The following SSBP3 variants were observed in gnomAD, a reference collection of about 807,000 sequenced individuals.
SSBP3 encodes the protein single-stranded DNA-binding protein 3.
SSBP3 carries 5 observed loss-of-function variants against 69.6 expected under a neutral mutation model. The observed-to-expected ratio is 0.07, with a 90% CI of 0.04 to 0.15. The LOEUF (loss-of-function observed/expected upper bound fraction) is 0.15, where lower values mean the gene tolerates loss of function less well. Ranked by LOEUF, SSBP3 falls within the 10% of genes least tolerant of loss-of-function variation. The pLI is 1.00. For synonymous variants in SSBP3, 196 were observed against 193.4 expected, an observed-to-expected ratio of 1.01 and a Z score of -0.11; for missense variants, 312 against 534.0, an observed-to-expected ratio of 0.58 and a Z score of 4.10.
At chr1:54,264,053 C>T (rs1645060974) in intron 5 of SSBP3, among the ~76,000 whole-genome samples, 1 of 152,200 alleles carries the variant, frequency 6.6e-6, no homozygotes, top group Non-Finnish European at 1.5e-5. Context: ...TGTAATCCAG[C>T]ATTTTGGGAG....
intron 5 of SSBP3, among the ~76,000 whole-genome samples, chr1:54,265,061 C>G (rs78963922): frequency 2.0e-5 from 3 of 152,114 alleles, no homozygotes; most frequent in African/African-American, 7.2e-5. Context: ...TCCCAAATAC[C>G]GACAGAAAAT....
chr1:54,266,732 GAGCCAAGA>G lies in SSBP3; in HGVS notation c.367-8591_367-8584del, dbSNP rs1429517477. On this transcript the variant is annotated intron_variant, in intron 5 of 17. Coordinates refer to ENST00000610401, the Ensembl canonical transcript of SSBP3. ...AGTGACATTAAGGCATTAATTATCA[GAGCCAAGA>G]TGTTATGCCCCTGAGGACAAACAGA... 1.6e-3 allele frequency among the ~76,000 whole-genome samples: 251 copies of G among 152,316 alleles called. 1 individual carries two copies. Among genetic ancestry groups the G allele is most frequent in the African/African-American group, 5.6e-3 (231 of 41,544 alleles).
intron 4 of SSBP3, among the ~76,000 whole-genome samples, chr1:54,296,673 G>A (rs528142351): frequency 7.2e-5 from 11 of 152,332 alleles, no homozygotes; most frequent in South Asian, 4.1e-4. Flanking sequence ...CACACGACTT[G>A]TGAGGGTCAA....
intron 4 of SSBP3, among the ~76,000 whole-genome samples, chr1:54,329,027 T>G (rs1285014784): frequency 6.6e-6 from 1 of 152,230 alleles, no homozygotes; most frequent in East Asian, 1.9e-4. Context: ...AGATCCTGCC[T>G]GTTTTGCAAA....
intron 5 of SSBP3, among the ~76,000 whole-genome samples, chr1:54,278,699 G>C (rs1339228111): frequency 6.6e-6 from 1 of 152,228 alleles, no homozygotes; most frequent in African/African-American, 2.4e-5. Flanking sequence ...GCCACCCTAG[G>C]CCAGGGTCTG....
Position 54,301,672 on chromosome 1 carries a change from G to A in SSBP3, c.277-20145C>T, listed in dbSNP as rs115751376. 2.6e-3 allele frequency among the ~76,000 whole-genome samples: 392 copies of A among 152,354 alleles called. 2 individuals carry two copies. Among genetic ancestry groups the A allele is most frequent in the African/African-American group, 9.0e-3 (375 of 41,576 alleles). On this transcript the variant is annotated intron_variant, in intron 4 of 17. Coordinates refer to ENST00000610401, the Ensembl canonical transcript of SSBP3. ...GGATGAAAAACACACACAACAGTAA[G>A]CTCCAACCCAAACAGAACTAATCCA...
intron 4 of SSBP3, among the ~76,000 whole-genome samples, chr1:54,328,183 C>T (rs908224516): frequency 6.6e-6 from 1 of 152,088 alleles, no homozygotes; most frequent in Non-Finnish European, 1.5e-5. Flanking sequence ...TCTCTCCTTG[C>T]AAGCAACAGG....
intron 4 of SSBP3, among the ~76,000 whole-genome samples, chr1:54,282,941 A>T (rs1645423229): frequency 6.6e-6 from 1 of 152,148 alleles, no homozygotes; most frequent in African/African-American, 2.4e-5. Flanking sequence ...CACCTTCAAG[A>T]AGTCACTCTC....
chr1:54,349,714 G>T (rs1302176662), intron 4 of SSBP3, among the ~76,000 whole-genome samples: 3 of 125,404 alleles, frequency 2.4e-5, no homozygotes, highest in African/African-American at 3.8e-5. Context: ...AGTGTGGATG[G>T]GCCAAAAAAA....
intron 4 of SSBP3, among the ~76,000 whole-genome samples, chr1:54,350,434 C>A (rs1215936796): frequency 1.3e-5 from 2 of 152,200 alleles, no homozygotes; most frequent in Non-Finnish European, 2.9e-5. Flanking sequence ...GGCAGCCCTG[C>A]AAAGCAGAAG....
upstream of SSBP3, chr1:54,406,524 C>A (rs1464450376): frequency 2.0e-5 from 3 of 152,012 alleles, no homozygotes; most frequent in Non-Finnish European, 4.4e-5. Context: ...GAGGGACGCC[C>A]TGACAGCGCC....
chr1:54,255,031 C>G (rs1231382100), intron 7 of SSBP3, among the ~76,000 whole-genome samples: 1 of 151,868 alleles, frequency 6.6e-6, no homozygotes. Flanking sequence ...CAGGGTTTCA[C>G]CATGTTGGCC....
chr1:54,234,209 C>T (rs1482010954), intron 14 of SSBP3, among the ~76,000 whole-genome samples: 1 of 150,644 alleles, frequency 6.6e-6, no homozygotes, highest in Non-Finnish European at 1.5e-5. Context: ...ACAAACACTG[C>T]GGAAGGCCGC....
chr1:54,384,105 C>CAAAAAAAAAAAAAAAAAA (rs34137070), intron 4 of SSBP3, among the ~76,000 whole-genome samples: 3 of 94,116 alleles, frequency 3.2e-5, no homozygotes, highest in Non-Finnish European at 4.2e-5. Context: ...GACTCCATCT[C>CAAAAAAAAAAAAAAAAAA]AAAAAAAAAA....
chr1:54,227,830 A>G (rs773826483), intron 17 of SSBP3, among the ~76,000 whole-genome samples: 7 of 152,156 alleles, frequency 4.6e-5, no homozygotes, highest in Admixed American at 6.5e-5. Context: ...TAATCATAAC[A>G]CTGTTTCTTC....
rs566842832 is a variant in SSBP3, at chr1:54,307,209, A to C, written c.277-25682T>G. On this transcript the variant is annotated intron_variant, in intron 4 of 17. Transcript: ENST00000610401. ...ACCAGCTGCCCCCAGTTATGGCCAC[A>C]CCCCCACTATGGTCACGCCCCCACT... 6.6e-5 allele frequency among the ~76,000 whole-genome samples: 10 copies of C among 151,464 alleles called. No homozygotes were observed. The South Asian group carries it at 2.1e-3, about 32-fold the overall frequency.
At chr1:54,278,898 G>A (rs939835257) in intron 5 of SSBP3, among the ~76,000 whole-genome samples, 1 of 152,210 alleles carries the variant, frequency 6.6e-6, no homozygotes, top group Non-Finnish European at 1.5e-5. Flanking sequence ...TGAAGGGCAG[G>A]GCCAGCAATC....
At chr1:54,230,622 GA>G (rs1253742281) in intron 14 of SSBP3, among the ~76,000 whole-genome samples, 8 of 152,218 alleles carry the variant, frequency 5.3e-5, no homozygotes, top group African/African-American at 1.9e-4. Context: ...AACCAATTTT[GA>G]ACGTTTCCAT....
At chr1:54,254,278 G>A (rs1056624232) in intron 7 of SSBP3, among the ~76,000 whole-genome samples, 2 of 152,176 alleles carry the variant, frequency 1.3e-5, no homozygotes, top group Non-Finnish European at 2.9e-5. Flanking sequence ...ACAAATCCCT[G>A]CTGCATCCGC....
Sources: gnomAD v4.1 joint callset for allele counts (sites outside exome capture counted in the v4.1 genomes callset) on GRCh38, gnomAD v4.1.1 for gene constraint, MANE v1.5 for transcripts, NCBI Gene and HGNC (gene_info 2026-07-23, HGNC 2026-07-21) for gene names.